Variants in TENM4 observed in about 807,000 individuals in gnomAD.
TENM4 encodes teneurin-4.
Under a neutral mutation model 243.3 loss-of-function variants are expected in TENM4, and 82 were observed. The ratio of observed to expected loss-of-function variants is 0.34; its 90% CI spans 0.28 to 0.40. The LOEUF is 0.40. Among genes scored for constraint, TENM4 ranks in the 10% least tolerant of loss-of-function variants. The probability of loss-of-function intolerance (pLI) is 1.00; values close to 1 mark genes in which losing one functional copy is unlikely to be tolerated. For missense variants in TENM4, 3,138 were observed against 3,673.3 expected (o/e 0.85, Z 3.77); for synonymous variants, 1,412 against 1,456.3 (o/e 0.97, Z 0.69).
chr11:79,342,012 G>A (rs1219242166), intron 1 of TENM4, among the ~76,000 whole-genome samples: 1 of 152,208 alleles, frequency 6.6e-6, no homozygotes, highest in Non-Finnish European at 1.5e-5. Flanking sequence ...GAAGCATTGG[G>A]TGCAATGTGA....
rs1861984529 is a variant in TENM4 at position 79,130,678 on chromosome 11, C to A, written c.-66+18032G>T. 2.0e-5 allele frequency among the ~76,000 whole-genome samples: 3 copies of A among 151,988 alleles called. No homozygotes were observed. The South Asian group carries it at 6.2e-4, about 32-fold the overall frequency. ...CTCTACTAAAAATACAAAAAATTAG[C>A]TGGGCGTGGTGACAGGTGCCTGTGG... On this transcript the variant is annotated intron_variant, in intron 4 of 33. Coordinates refer to ENST00000278550, the MANE Select transcript of TENM4 (RefSeq NM_001098816.3).
At chr11:79,338,095 C>T (rs1565305602) in intron 1 of TENM4, among the ~76,000 whole-genome samples, 1 of 152,256 alleles carries the variant, frequency 6.6e-6, no homozygotes, top group Non-Finnish European at 1.5e-5. Context: ...AAGACAGGAT[C>T]ATGCCAGCTT....
In TENM4 at chr11:78,748,839, A is replaced by G. The variant is rs141271043; in HGVS notation, c.2756+7966T>C. ...ACTGAACGCATGCTATGAGCCAGAC[A>G]TCGGGCTTCTGGGTATTTTATCTCA... On this transcript the variant is annotated intron_variant, in intron 19 of 33. Transcript: ENST00000278550. Among the ~76,000 whole-genome samples the G allele has an allele frequency of 3.0e-3, 455 of 152,358 alleles. 2 individuals are homozygous for G. Among genetic ancestry groups the G allele is most frequent in the African/African-American group, 0.01 (420 of 41,578 alleles).
chr11:79,122,073 G>T (rs1485074522), intron 4 of TENM4, among the ~76,000 whole-genome samples: 1 of 152,164 alleles, frequency 6.6e-6, no homozygotes, highest in Non-Finnish European at 1.5e-5. Flanking sequence ...ATTCAGGATT[G>T]CTGCTGGTTG....
In TENM4 at chr11:79,218,243, C is replaced by A. The variant is rs529690923; in HGVS notation, c.-264-2334G>T. On this transcript the variant is annotated intron_variant, in intron 2 of 33. Transcript: ENST00000278550. ...AGTTTACCCCCTGCCCACCCACCCC[C>A]GACACACACAACCCCACCCCAAGTT... Among the ~76,000 whole-genome samples, 807 of 143,514 alleles carry A rather than the reference C, an allele frequency of 5.6e-3. 25 individuals carry two copies. The highest frequency in any genetic ancestry group is 0.02 in the African/African-American group (757 of 38,636). 94.2% of individuals were successfully genotyped at this position (143,514 alleles called of 152,430 possible).
intron 3 of TENM4, among the ~76,000 whole-genome samples, chr11:79,210,177 T>C (rs1235484170): frequency 1.3e-5 from 2 of 152,216 alleles, no homozygotes; most frequent in African/African-American, 2.4e-5. Flanking sequence ...AAAAATGCAC[T>C]GTCCTAACTC....
chr11:78,952,677 C>A (rs1484108820), intron 6 of TENM4, among the ~76,000 whole-genome samples: 2 of 152,306 alleles, frequency 1.3e-5, no homozygotes, highest in East Asian at 3.9e-4. Context: ...GAGATAACCT[C>A]CTTATCTCCT....
chr11:79,299,889 G>C (rs1856523013), intron 1 of TENM4, among the ~76,000 whole-genome samples: 1 of 152,216 alleles, frequency 6.6e-6, no homozygotes, highest in Non-Finnish European at 1.5e-5. Context: ...AGAGCAAACA[G>C]GTTGAATGTC....
At chr11:78,897,129 C>T (rs1022247050) in intron 7 of TENM4, among the ~76,000 whole-genome samples, 2 of 152,094 alleles carry the variant, frequency 1.3e-5, no homozygotes, top group African/African-American at 4.8e-5. Context: ...GACATGAGCA[C>T]CCCCAGTAAA....
chr11:79,250,405 A>T (rs1855590345), intron 2 of TENM4, among the ~76,000 whole-genome samples: 1 of 152,268 alleles, frequency 6.6e-6, no homozygotes, highest in African/African-American at 2.4e-5. Flanking sequence ...AGGAAGTGGC[A>T]GAGCTAGAAT....
At chr11:79,125,389 TGA>T (rs1443782869) in intron 4 of TENM4, among the ~76,000 whole-genome samples, 1 of 152,168 alleles carries the variant, frequency 6.6e-6, no homozygotes, top group Non-Finnish European at 1.5e-5. Context: ...CTGCCCTGAA[TGA>T]GAGTCTTATC....
At chr11:78,965,342 G>A (rs189425932) in intron 6 of TENM4, among the ~76,000 whole-genome samples, 2 of 151,510 alleles carry the variant, frequency 1.3e-5, no homozygotes, top group Admixed American at 6.6e-5. Context: ...CTCCCCCTAC[G>A]GTTCCAGTTT....
intron 15 of TENM4, among the ~76,000 whole-genome samples, chr11:78,801,721 C>T (rs2136076701): frequency 6.6e-6 from 1 of 152,200 alleles, no homozygotes; most frequent in Middle Eastern, 3.4e-3. Flanking sequence ...CAGCAGGGGC[C>T]CATCTCTACC....
intron 1 of TENM4, among the ~76,000 whole-genome samples, chr11:79,430,194 A>G (rs1859137281): frequency 7.5e-6 from 1 of 133,914 alleles, no homozygotes; most frequent in Admixed American, 7.5e-5. Flanking sequence ...CTGCGAAAAA[A>G]AAAAAAAGAA....
At chr11:79,135,821 C>CAT (rs1385282996) in intron 4 of TENM4, among the ~76,000 whole-genome samples, 1 of 145,772 alleles carries the variant, frequency 6.9e-6, no homozygotes, top group Non-Finnish European at 1.5e-5. Flanking sequence ...TATATTCCAT[C>CAT]ATATATATCA....
chr11:78,684,867 A>G lies in TENM4; in HGVS notation c.5260+3187T>C, dbSNP rs892532760. 3.3e-5 allele frequency among the ~76,000 whole-genome samples: 5 copies of G among 152,246 alleles called. No homozygotes were observed. The East Asian group carries it at 5.8e-4, about 18-fold the overall frequency. ...AATAAGTGCTCCAAAAATGTTAGCT[A>G]TCATCATCGTTAGGATTATATGTGC... On this transcript the variant is annotated intron_variant, in intron 29 of 33. Transcript: ENST00000278550.
intron 6 of TENM4, among the ~76,000 whole-genome samples, chr11:79,041,671 G>A (rs954876628): frequency 2.6e-5 from 4 of 152,160 alleles, no homozygotes; most frequent in African/African-American, 9.7e-5. Context: ...AAATCACTTT[G>A]AAGATGAAAA....
At chr11:79,064,100 G>A (rs61882072) in intron 6 of TENM4, among the ~76,000 whole-genome samples, 9,456 of 151,948 alleles carry the variant, frequency 0.062, 332 homozygotes, top group African/African-American at 0.085. Context: ...TTTTTGTGGT[G>A]AGAATATTTA....
Position 79,119,692 on chromosome 11 carries a change from C to T in TENM4, c.-66+29018G>A, listed in dbSNP as rs531487351. On this transcript the variant is annotated intron_variant, in intron 4 of 33. Coordinates refer to ENST00000278550, the MANE Select transcript of TENM4 (RefSeq NM_001098816.3). ...TTTTAATCTCATTAGTGAACTGAAG[C>T]CCTAAGAGGAAGTAGCCACAACAGC... is the stretch of plus-strand genomic sequence containing the variant. Among the ~76,000 whole-genome samples the T allele has an allele frequency of 8.6e-4, 131 of 152,284 alleles. 2 individuals are homozygous for T. The highest frequency in any genetic ancestry group is 2.9e-3 in the African/African-American group (121 of 41,566).
Sources: gnomAD v4.1 joint callset for allele counts (sites outside exome capture counted in the v4.1 genomes callset) on GRCh38, gnomAD v4.1.1 for gene constraint, MANE v1.5 for transcripts, NCBI Gene and HGNC (gene_info 2026-07-23, HGNC 2026-07-21) for gene names.